MACROD2: variants seen among roughly 807,000 people sequenced by gnomAD.
The protein encoded by MACROD2 is mono-ADP ribosylhydrolase 2.
Under a neutral mutation model 70.4 loss-of-function variants are expected in MACROD2, and 36 were observed. That is an observed-to-expected ratio of 0.51 (90% confidence interval 0.39 to 0.68). The LOEUF is 0.68. Among genes scored for constraint, MACROD2 ranks in the 30% least tolerant of loss-of-function variants. The pLI, the probability that MACROD2 is intolerant of heterozygous loss-of-function variation, is 0.00. For synonymous variants in MACROD2, 172 were observed against 178.8 expected (o/e 0.96, Z 0.30); for missense variants, 496 against 538.4 (o/e 0.92, Z 0.78).
At chr20:14,125,764 C>A (rs2054640910) in intron 3 of MACROD2, among the ~76,000 whole-genome samples, 1 of 151,644 alleles carries the variant, frequency 6.6e-6, no homozygotes, top group Admixed American at 6.6e-5. Flanking sequence ...TAAAATATGT[C>A]TTCAGAAAAA....
chr20:15,959,473 T>C (rs1358278098), intron 12 of MACROD2, among the ~76,000 whole-genome samples: 1 of 152,166 alleles, frequency 6.6e-6, no homozygotes, highest in East Asian at 1.9e-4. Flanking sequence ...AGGTGAGTGG[T>C]TTTTACAAAT....
intron 3 of MACROD2, among the ~76,000 whole-genome samples, chr20:14,094,500 CT>C (rs11477837): frequency 0.014 from 2,206 of 152,190 alleles, 53 homozygotes; most frequent in African/African-American, 0.05. Context: ...GTAATGGGCC[CT>C]TTTTTGATCC....
chr20:15,636,793 G>C (rs1366319762), intron 8 of MACROD2, among the ~76,000 whole-genome samples: 3 of 152,086 alleles, frequency 2.0e-5, no homozygotes, highest in African/African-American at 7.2e-5. Context: ...GCACAAGTGA[G>C]AGAAGGGGGA....
chr20:15,479,675 C>G (rs1442564522), intron 7 of MACROD2, among the ~76,000 whole-genome samples: 1 of 152,134 alleles, frequency 6.6e-6, no homozygotes, highest in Non-Finnish European at 1.5e-5. Context: ...TCTGACTGTA[C>G]TTGCAAGCTC....
At position 14,685,041 on chromosome 20, in the gene MACROD2, T is replaced by C. The variant is rs1290971384; in HGVS notation, c.418+82T>C. On this transcript the variant is annotated intron_variant, in intron 5 of 17. Transcript: ENST00000684519. Reference sequence around the variant, plus strand: ...TCCAGTGTATAACTGGAAAAGGAAATGGCAGTGGTGGTATTTAATTAAATG... The same window carrying C: ...TCCAGTGTATAACTGGAAAAGGAAACGGCAGTGGTGGTATTTAATTAAATG... 6 of 1,042,164 alleles carry C rather than the reference T, an allele frequency of 5.8e-6. No homozygotes were observed. In the African/African-American group the frequency reaches 7.9e-5, roughly 14 times the overall value. The allele number at this position is 1,042,164 out of a possible 1,614,324, so 64.6% of individuals were successfully genotyped here.
At chr20:14,540,714 G>A (rs2085421716) in intron 4 of MACROD2, among the ~76,000 whole-genome samples, 1 of 152,108 alleles carries the variant, frequency 6.6e-6, no homozygotes, top group Non-Finnish European at 1.5e-5. Context: ...CCTATTTTGA[G>A]CTTCTGAGCA....
At chr20:15,785,754 C>A in intron 8 of MACROD2, among the ~76,000 whole-genome samples, 1 of 152,030 alleles carries the variant, frequency 6.6e-6, no homozygotes, top group East Asian at 1.9e-4. Context: ...TCATACATAT[C>A]CCACCGTGCT....
chr20:14,115,027 G>A (rs1007067684), intron 3 of MACROD2, among the ~76,000 whole-genome samples: 1 of 152,034 alleles, frequency 6.6e-6, no homozygotes, highest in African/African-American at 2.4e-5. Flanking sequence ...TACCTTTGAA[G>A]GGAAATGGTT....
chr20:14,302,225 T>C (rs1250262989), intron 3 of MACROD2, among the ~76,000 whole-genome samples: 1 of 152,218 alleles, frequency 6.6e-6, no homozygotes, highest in Admixed American at 6.5e-5. Context: ...ATTCAGATTA[T>C]TGGCAGAATT....
At chr20:15,788,924 A>G (rs542619123) in intron 8 of MACROD2, among the ~76,000 whole-genome samples, 2 of 152,290 alleles carry the variant, frequency 1.3e-5, no homozygotes, top group African/African-American at 4.8e-5. Flanking sequence ...TGAAAAGCAC[A>G]CTTTATTTTG....
At chr20:15,005,060 G>A (rs1261619504) in intron 5 of MACROD2, among the ~76,000 whole-genome samples, 1 of 152,192 alleles carries the variant, frequency 6.6e-6, no homozygotes, top group Non-Finnish European at 1.5e-5. Context: ...AGATATGAAT[G>A]ATGTAATGAA....
intron 7 of MACROD2, among the ~76,000 whole-genome samples, chr20:15,459,140 A>G (rs2046774401): frequency 6.6e-6 from 1 of 152,162 alleles, no homozygotes; most frequent in Non-Finnish European, 1.5e-5. Context: ...CAAAAATGTT[A>G]CTAATATTTA....
intron 8 of MACROD2, among the ~76,000 whole-genome samples, chr20:15,690,004 G>T (rs1216846994): frequency 6.6e-6 from 1 of 152,192 alleles, no homozygotes; most frequent in Non-Finnish European, 1.5e-5. Context: ...AGCTTAGCCT[G>T]CAAGTCATGG....
chr20:14,747,208 T>G (rs1031764926), intron 5 of MACROD2, among the ~76,000 whole-genome samples: 1 of 152,144 alleles, frequency 6.6e-6, no homozygotes, highest in Non-Finnish European at 1.5e-5. Context: ...CTTTCCTGTC[T>G]TCATTCCTCC....
chr20:14,046,217 A>G (rs1030003677), intron 2 of MACROD2, among the ~76,000 whole-genome samples: 4 of 152,234 alleles, frequency 2.6e-5, no homozygotes, highest in East Asian at 1.9e-4. Flanking sequence ...CTACAAAGCT[A>G]TAGAAATTAG....
chr20:15,043,822 A>G (rs1161827936), intron 5 of MACROD2, among the ~76,000 whole-genome samples: 1 of 152,154 alleles, frequency 6.6e-6, no homozygotes, highest in Non-Finnish European at 1.5e-5. Context: ...ATTAGAATGG[A>G]TCACAGAACT....
At chr20:14,363,758 A>C (rs934767074) in intron 3 of MACROD2, among the ~76,000 whole-genome samples, 2 of 139,450 alleles carry the variant, frequency 1.4e-5, no homozygotes, top group Non-Finnish European at 3.0e-5. Context: ...CGGAGCTTGC[A>C]GTGAGCAGAC....
Position 15,608,135 on chromosome 20 carries a change from G to C in MACROD2, c.645+108288G>C, listed in dbSNP as rs17694826. ...GATATTCTTTAACTTTGTAGATTGC[G>C]AGATATAAGCTTGTGTCTTGGTTAT... On this transcript the variant is annotated intron_variant, in intron 8 of 17. Coordinates refer to ENST00000684519, the MANE Select transcript of MACROD2 (RefSeq NM_001351661.2). Among the ~76,000 whole-genome samples the C allele has an allele frequency of 4.6e-5, 7 of 152,082 alleles. No homozygotes were observed. The East Asian group carries it at 5.8e-4, about 13-fold the overall frequency.
At chr20:15,862,885 A>G (rs2064443874) in intron 9 of MACROD2, 59 bp downstream of exon 9, 2 of 1,256,148 alleles carry the variant, frequency 1.6e-6, no homozygotes. Flanking sequence ...TGGAGCCGTC[A>G]CTTCTATTCC....
Sources: allele counts gnomAD v4.1 joint callset (sites outside exome capture counted in the v4.1 genomes callset), GRCh38; gene constraint gnomAD v4.1.1; transcripts MANE v1.5; gene names NCBI Gene and HGNC (gene_info 2026-07-23, HGNC 2026-07-21).